NRG1: variants seen among roughly 807,000 people sequenced by gnomAD.
NRG1 encodes neuregulin 1.
In NRG1, 18 loss-of-function variants were observed where a neutral mutation model predicts 63.8. That is an observed-to-expected ratio of 0.28 (90% CI 0.19 to 0.42). The LOEUF (loss-of-function observed/expected upper bound fraction) is 0.42. NRG1 is among the 10% of genes least tolerant of loss of function. The pLI is 1.00. For missense variants in NRG1, 762 were observed against 814.7 expected (o/e 0.94, Z 0.79); for synonymous variants, 302 against 301.3 (o/e 1.00, Z -0.02).
At chr8:31,901,445 G>C (rs1397431124) in intron 1 of NRG1, among the ~76,000 whole-genome samples, 2 of 152,164 alleles carry the variant, frequency 1.3e-5, no homozygotes, top group East Asian at 1.9e-4. Flanking sequence ...ATAATGAAAG[G>C]CTGCATGACA....
intron 1 of NRG1, among the ~76,000 whole-genome samples, chr8:31,642,938 T>C (rs1803938865): frequency 6.6e-6 from 1 of 152,142 alleles, no homozygotes; most frequent in African/African-American, 2.4e-5. Context: ...TTTTATATGA[T>C]GTAAATTCAG....
At chr8:31,651,967 G>T (rs549389027) in intron 1 of NRG1, among the ~76,000 whole-genome samples, 2 of 152,104 alleles carry the variant, frequency 1.3e-5, no homozygotes, top group Non-Finnish European at 2.9e-5. Flanking sequence ...AACACTTTAT[G>T]TGAAATATTT....
intron 1 of NRG1, among the ~76,000 whole-genome samples, chr8:31,854,729 C>G (rs938859503): frequency 4.6e-5 from 7 of 151,978 alleles, no homozygotes; most frequent in Admixed American, 1.3e-4. Flanking sequence ...GATCTTTCCT[C>G]CTTTCTCTTG....
At chr8:32,643,107 A>G (rs1355610948) in intron 5 of NRG1, among the ~76,000 whole-genome samples, 1 of 152,214 alleles carries the variant, frequency 6.6e-6, no homozygotes, top group East Asian at 1.9e-4. Context: ...AAATACAAAT[A>G]TATTTTACTT....
chr8:31,806,323 C>A (rs773020835), intron 1 of NRG1, among the ~76,000 whole-genome samples: 3 of 152,014 alleles, frequency 2.0e-5, no homozygotes, highest in Non-Finnish European at 4.4e-5. Flanking sequence ...ATAAATGAAA[C>A]CTGATATTAA....
At chr8:32,069,614 C>T (rs959076989) in intron 1 of NRG1, among the ~76,000 whole-genome samples, 1 of 152,072 alleles carries the variant, frequency 6.6e-6, no homozygotes, top group African/African-American at 2.4e-5. Flanking sequence ...GTGGCCTAAG[C>T]CCTGACAGTG....
chr8:32,609,662 C>CTT (rs752378599), intron 3 of NRG1, among the ~76,000 whole-genome samples: 2 of 99,512 alleles, frequency 2.0e-5, no homozygotes, highest in East Asian at 6.6e-4. Flanking sequence ...TCTCTCTTTC[C>CTT]TTTTTTTTTT....
chr8:32,558,997 T>A (rs542465203), intron 1 of NRG1, among the ~76,000 whole-genome samples: 1 of 149,120 alleles, frequency 6.7e-6, no homozygotes, highest in South Asian at 2.1e-4. Flanking sequence ...GAGGATCACT[T>A]GAGCCCAGGA....
At chr8:31,823,769 G>T (rs1331778071) in intron 1 of NRG1, among the ~76,000 whole-genome samples, 2 of 152,018 alleles carry the variant, frequency 1.3e-5, no homozygotes, top group Non-Finnish European at 2.9e-5. Flanking sequence ...TTGCAATCTG[G>T]GCAATTCACT....
intron 1 of NRG1, among the ~76,000 whole-genome samples, chr8:31,986,007 A>G (rs1345066051): frequency 2.0e-5 from 3 of 152,076 alleles, no homozygotes; most frequent in Non-Finnish European, 4.4e-5. Context: ...TTAGACATCC[A>G]TTTATAACTT....
At chr8:31,879,075 A>G (rs909503074) in intron 1 of NRG1, among the ~76,000 whole-genome samples, 6 of 152,176 alleles carry the variant, frequency 3.9e-5, no homozygotes, top group African/African-American at 1.4e-4. Flanking sequence ...GGTGACAAGT[A>G]AGGTATAGAT....
intron 11 of NRG1, 138 bp downstream of exon 11, chr8:32,760,544 T>C: frequency 6.8e-7 from 1 of 1,469,610 alleles, no homozygotes; most frequent in Non-Finnish European, 8.9e-7. Flanking sequence ...GTGCTCCTAG[T>C]TGATGAAGTC....
intron 1 of NRG1, among the ~76,000 whole-genome samples, chr8:31,877,912 G>A (rs560747845): frequency 3.3e-5 from 5 of 152,180 alleles, no homozygotes; most frequent in East Asian, 1.9e-4. Context: ...TATAATCATC[G>A]GAGCCTAGAT....
intron 1 of NRG1, among the ~76,000 whole-genome samples, chr8:32,315,250 G>T (rs755781122): frequency 6.6e-6 from 1 of 152,070 alleles, no homozygotes. Flanking sequence ...CCACCCCCCT[G>T]ACAGGTCCTG....
intron 1 of NRG1, among the ~76,000 whole-genome samples, chr8:32,263,269 G>A (rs1850577936): frequency 6.6e-6 from 1 of 152,276 alleles, no homozygotes; most frequent in South Asian, 2.1e-4. Context: ...GGATAGATCA[G>A]GAAACTAACC....
chr8:31,960,554 G>A (rs1805277808), intron 1 of NRG1, among the ~76,000 whole-genome samples: 1 of 152,186 alleles, frequency 6.6e-6, no homozygotes, highest in Admixed American at 6.5e-5. Context: ...AGTCATGTTA[G>A]ATTCCAGAAC....
chr8:31,709,687 A>G (rs952273808), intron 1 of NRG1, among the ~76,000 whole-genome samples: 2 of 152,028 alleles, frequency 1.3e-5, no homozygotes, highest in Admixed American at 6.5e-5. Flanking sequence ...GGTGAATTAT[A>G]CATTACTAGA....
chr8:31,759,946 C>T (rs779856655), intron 1 of NRG1, among the ~76,000 whole-genome samples: 10 of 152,050 alleles, frequency 6.6e-5, no homozygotes, highest in South Asian at 4.1e-4. Context: ...TATTCACAAG[C>T]GTTTTCTAGT....
At chr8:31,842,810 T>C (rs753747402) in intron 1 of NRG1, among the ~76,000 whole-genome samples, 87 of 152,218 alleles carry the variant, frequency 5.7e-4, no homozygotes, top group Non-Finnish European at 8.2e-4. Flanking sequence ...ACAAAATGTA[T>C]GGGTACATTT....
Sources: allele counts gnomAD v4.1 joint callset (sites outside exome capture counted in the v4.1 genomes callset), GRCh38; gene constraint gnomAD v4.1.1; transcripts MANE v1.5; gene names NCBI Gene and HGNC (gene_info 2026-07-23, HGNC 2026-07-21).